The following ME3 variants were observed in gnomAD, a reference collection of about 807,000 sequenced individuals.
ME3 encodes NADP-dependent malic enzyme, mitochondrial.
Under a neutral mutation model 68.9 loss-of-function variants are expected in ME3, and 48 were observed. That is an observed-to-expected ratio of 0.70 (90% CI 0.55 to 0.89). The LOEUF (loss-of-function observed/expected upper bound fraction) is 0.89. Among genes scored for constraint, ME3 ranks in the 40% least tolerant of loss-of-function variants. The pLI is 0.00. For synonymous variants in ME3, 320 were observed against 318.8 expected (o/e 1.00, Z -0.04); for missense variants, 675 against 797.4 (o/e 0.85, Z 1.85).
chr11:86,508,630 G>T (rs936412874), intron 5 of ME3, among the ~76,000 whole-genome samples, 162 bp downstream of exon 5: 2 of 152,156 alleles, frequency 1.3e-5, no homozygotes, highest in Admixed American at 6.5e-5. Flanking sequence ...CTGCTCTGTG[G>T]TGTATTTGTA....
chr11:86,596,615 C>G (rs1959496855), intron 2 of ME3, among the ~76,000 whole-genome samples: 2 of 152,184 alleles, frequency 1.3e-5, no homozygotes, highest in African/African-American at 4.8e-5. Context: ...GGCTTCTCAC[C>G]TTCATGTAGA....
chr11:86,465,742 G>A (rs1330917062), intron 7 of ME3, among the ~76,000 whole-genome samples: 1 of 152,222 alleles, frequency 6.6e-6, no homozygotes, highest in Non-Finnish European at 1.5e-5. Context: ...TGAAAGGATG[G>A]TTAGGAAAGG....
intron 2 of ME3, among the ~76,000 whole-genome samples, chr11:86,625,292 T>C (rs1943590922): frequency 6.6e-6 from 1 of 151,864 alleles, no homozygotes; most frequent in Non-Finnish European, 1.5e-5. Flanking sequence ...AGGGATTGTT[T>C]CCACGCAGCA....
At chr11:86,630,915 G>A (rs1186261592) in intron 2 of ME3, among the ~76,000 whole-genome samples, 1 of 152,244 alleles carries the variant, frequency 6.6e-6, no homozygotes, top group African/African-American at 2.4e-5. Flanking sequence ...CTGGAAAGGA[G>A]CAGGGTGAGG....
At chr11:86,598,570 C>A (rs1010656020) in intron 2 of ME3, among the ~76,000 whole-genome samples, 2 of 152,190 alleles carry the variant, frequency 1.3e-5, no homozygotes, top group Non-Finnish European at 2.9e-5. Flanking sequence ...ACTTAAATGT[C>A]CCTGTCTGAC....
intron 5 of ME3, among the ~76,000 whole-genome samples, chr11:86,502,442 C>T (rs1449424815): frequency 1.3e-5 from 2 of 152,200 alleles, no homozygotes; most frequent in Non-Finnish European, 2.9e-5. Flanking sequence ...AACTTGGTGT[C>T]TGTAATGTGA....
intron 2 of ME3, among the ~76,000 whole-genome samples, chr11:86,633,010 GAC>G (rs1276193277): frequency 1.3e-5 from 2 of 152,200 alleles, no homozygotes; most frequent in East Asian, 1.9e-4. Flanking sequence ...TGTGCCCAGG[GAC>G]ACAGAGTCAG....
chr11:86,516,414 G>C (rs779844200), intron 4 of ME3, among the ~76,000 whole-genome samples: 3 of 151,930 alleles, frequency 2.0e-5, no homozygotes, highest in African/African-American at 2.4e-5. Flanking sequence ...GAGAGATGGA[G>C]TCTCACTCTG....
chr11:86,502,663 T>C (rs1952803869), intron 5 of ME3, among the ~76,000 whole-genome samples: 1 of 152,238 alleles, frequency 6.6e-6, no homozygotes, highest in African/African-American at 2.4e-5. Context: ...GCAGCATCCT[T>C]GAACTTTAAA....
chr11:86,498,135 GCAGGGCACCATCAAT>G lies in ME3; in HGVS notation c.544-26_544-12del, dbSNP rs1321362609. The G allele has an allele frequency of 4.4e-6, 7 of 1,605,384 alleles. No individual in the cohort carries two copies. Among genetic ancestry groups the G allele is most frequent in the Non-Finnish European group, 6.0e-6 (7 of 1,176,204 alleles). On this transcript the variant is annotated splice_polypyrimidine_tract_variant and intron_variant, in intron 5 of 14. Transcript: ENST00000543262. Reference sequence around the variant, plus strand: ...AGTCACCACCACGGCCTGAAAAACAGCAGGGCACCATCAATCAGGGACAGCACTTCCTGTGACAGG... The same window carrying G: ...AGTCACCACCACGGCCTGAAAAACAGCAGGGACAGCACTTCCTGTGACAGG...
chr11:86,533,987 C>T (rs953267060), intron 4 of ME3, among the ~76,000 whole-genome samples: 3 of 151,852 alleles, frequency 2.0e-5, no homozygotes, highest in Admixed American at 6.6e-5. Flanking sequence ...GTACTGACTA[C>T]TGTATGTAAT....
chr11:86,446,337 C>T, exon 13 of ME3: 1 of 1,614,166 alleles, frequency 6.2e-7, no homozygotes, highest in South Asian at 1.1e-5. Flanking sequence ...AGGAAGATCT[C>T]ATCTGGGATG....
At chr11:86,547,239 C>CAAAAAA (rs1169843852) in intron 4 of ME3, among the ~76,000 whole-genome samples, 66 of 45,804 alleles carry the variant, frequency 1.4e-3, no homozygotes, top group Non-Finnish European at 1.7e-3. Context: ...GACTCCATCT[C>CAAAAAA]AAAAAAAAAA....
At chr11:86,487,798 C>T (rs559811351) in intron 6 of ME3, among the ~76,000 whole-genome samples, 2 of 152,318 alleles carry the variant, frequency 1.3e-5, no homozygotes, top group African/African-American at 2.4e-5. Flanking sequence ...TAACGTGAGG[C>T]CTGACGTGCA....
chr11:86,600,688 C>T (rs1384026615), intron 2 of ME3, among the ~76,000 whole-genome samples: 1 of 151,896 alleles, frequency 6.6e-6, no homozygotes, highest in African/African-American at 2.4e-5. Flanking sequence ...CCAAAATTGA[C>T]CACATAGTTG....
At chr11:86,654,181 G>A (rs2135451057) in intron 2 of ME3, among the ~76,000 whole-genome samples, 1 of 152,254 alleles carries the variant, frequency 6.6e-6, no homozygotes, top group East Asian at 1.9e-4. Flanking sequence ...GGAGGGGCTG[G>A]TACCATTCCT....
chr11:86,671,865 G>A (rs867953385), exon 2 of ME3: 3 of 1,577,080 alleles, frequency 1.9e-6, no homozygotes, highest in African/African-American at 1.4e-5. Context: ...GGGCGCGGTG[G>A]GTGTCCAGCG....
rs1395140621 is a variant in ME3, at chr11:86,593,339, T to C, written c.184-33516A>G. ...TAACACCTGTCATAAAAGGATCTCA[T>C]GATGCTTTGAATACTTTCTCGAAAG... On this transcript the variant is annotated intron_variant, in intron 2 of 14. Coordinates refer to ENST00000543262, the Ensembl canonical transcript of ME3. Among the ~76,000 whole-genome samples, 6 of 146,802 alleles carry C rather than the reference T, an allele frequency of 4.1e-5. 1 individual carries two copies. The highest frequency in any genetic ancestry group is 8.9e-5 in the Non-Finnish European group (6 of 67,200).
chr11:86,602,829 G>T (rs2135130862), intron 2 of ME3, among the ~76,000 whole-genome samples: 1 of 152,260 alleles, frequency 6.6e-6, no homozygotes, highest in South Asian at 2.1e-4. Flanking sequence ...TGACAAACCT[G>T]AGAAAAACAA....
Sources: allele counts gnomAD v4.1 joint callset (sites outside exome capture counted in the v4.1 genomes callset), GRCh38; gene constraint gnomAD v4.1.1; transcripts MANE v1.5; gene names NCBI Gene and HGNC (gene_info 2026-07-23, HGNC 2026-07-21).